AKAP9: variants seen among roughly 807,000 people sequenced by gnomAD.
AKAP9 encodes A-kinase anchor protein 9.
In AKAP9, 311 loss-of-function variants were observed where a neutral mutation model predicts 488.5. The ratio of observed to expected loss-of-function variants is 0.64; its 90% CI spans 0.58 to 0.70. The LOEUF (loss-of-function observed/expected upper bound fraction) is 0.70. Ranked by LOEUF, AKAP9 falls within the 30% of genes least tolerant of loss-of-function variation. The pLI is 0.00. For missense variants in AKAP9, 4,215 were observed against 4,374.5 expected (o/e 0.96, Z 1.03); for synonymous variants, 1,462 against 1,483.5 (o/e 0.99, Z 0.33).
chr7:92,050,087 C>T (rs1207493777), intron 21 of AKAP9, among the ~76,000 whole-genome samples: 5 of 136,218 alleles, frequency 3.7e-5, no homozygotes, highest in Non-Finnish European at 6.2e-5. Flanking sequence ...TTTTTTGAGA[C>T]GGAGTTTTGC....
At chr7:92,084,308 G>A (rs1468785894) in intron 33 of AKAP9, among the ~76,000 whole-genome samples, 2 of 152,012 alleles carry the variant, frequency 1.3e-5, no homozygotes, top group East Asian at 3.9e-4. Flanking sequence ...CCTTATGATC[G>A]CAATTTTAAT....
chr7:91,992,975 G>A lies in AKAP9; in HGVS notation c.496G>A (p.Gly166Arg). 11 of 1,614,086 alleles carry A rather than the reference G, an allele frequency of 6.8e-6. No individual in the cohort carries two copies. Among genetic ancestry groups the A allele is most frequent in the Non-Finnish European group, 9.3e-6 (11 of 1,179,986 alleles). ...HLEMMESELA[G>R]KQHEIEELNR... ...AGAGATGATGGAAAGTGAGTTGGCT[G>A]GGAAGCAGCATGAGATTGAAGAGCT... is the stretch of plus-strand genomic sequence containing the variant. The change falls in exon 5 of 50, where the codon GGG becomes AGG. Residue 166 changes from glycine (G) to arginine (R), a missense_variant. Physicochemically the swap from Gly to Arg is moderately radical, Grantham distance 125 (BLOSUM62 -2). Transcript: ENST00000356239.
At chr7:92,091,357 G>T (rs1179533194) in intron 38 of AKAP9, among the ~76,000 whole-genome samples, 1 of 152,114 alleles carries the variant, frequency 6.6e-6, no homozygotes, top group Non-Finnish European at 1.5e-5. Context: ...GGAGGCCGAG[G>T]TGGGAGGATC....
intron 45 of AKAP9, among the ~76,000 whole-genome samples, chr7:92,101,506 G>C (rs1448421062): frequency 6.6e-6 from 1 of 151,946 alleles, no homozygotes; most frequent in African/African-American, 2.4e-5. Flanking sequence ...TCTTTGTCAT[G>C]AATGCAGGTC....
intron 16 of AKAP9, among the ~76,000 whole-genome samples, chr7:92,032,037 C>G (rs1434231890): frequency 6.6e-6 from 1 of 152,164 alleles, no homozygotes; most frequent in Admixed American, 6.5e-5. Context: ...TAGCTCCTGG[C>G]TAAGTGAAGG....
intron 13 of AKAP9, among the ~76,000 whole-genome samples, 172 bp from the exon 14 acceptor site, chr7:92,022,642 A>G (rs768721352): frequency 5.9e-5 from 9 of 152,204 alleles, no homozygotes; most frequent in Non-Finnish European, 1.3e-4. Context: ...GAATTGTACT[A>G]TTTATGTTTT....
At chr7:91,991,821 C>G (rs1403988778) in intron 3 of AKAP9, among the ~76,000 whole-genome samples, 1 of 152,048 alleles carries the variant, frequency 6.6e-6, no homozygotes, top group East Asian at 1.9e-4. Flanking sequence ...ATTATTTGAA[C>G]CATTTTAAGG....
chr7:91,952,325 A>G (rs1192472841), intron 1 of AKAP9, among the ~76,000 whole-genome samples: 1 of 152,242 alleles, frequency 6.6e-6, no homozygotes, highest in African/African-American at 2.4e-5. Flanking sequence ...CACTTTGCTA[A>G]GATGATAGGA....
intron 8 of AKAP9, among the ~76,000 whole-genome samples, chr7:92,005,946 G>A (rs982532881): frequency 2.0e-5 from 3 of 152,206 alleles, no homozygotes; most frequent in African/African-American, 7.2e-5. Context: ...TGGGATTACA[G>A]GCGTGAGCCA....
At position 91,940,978 on chromosome 7, in the gene AKAP9, C is replaced by T. The variant is rs1790671360; in HGVS notation, c.-122C>T. ...GCTTCCACTTCGGGCGGGGGAGCGC[C>T]GGACCGAATCGGCTCTCTAGGCCGT... On this transcript the variant is annotated 5_prime_UTR_variant, in exon 1 of 50. Transcript: ENST00000356239. 2.8e-6 allele frequency: 3 copies of T among 1,053,678 alleles called. No individual in the cohort carries two copies. The highest frequency in any genetic ancestry group is 4.5e-6 in the Non-Finnish European group (3 of 673,346). 65.3% of individuals were successfully genotyped at this position (1,053,678 alleles called of 1,614,324 possible).
chr7:91,943,750 AGT>A (rs1179715208), intron 1 of AKAP9, among the ~76,000 whole-genome samples: 3 of 152,348 alleles, frequency 2.0e-5, no homozygotes, highest in African/African-American at 7.2e-5. Context: ...GTCATTAATA[AGT>A]GTTACTTTCC....
intron 36 of AKAP9, 65 bp from the exon 37 acceptor site, chr7:92,086,163 A>G: frequency 3.1e-6 from 4 of 1,303,264 alleles, no homozygotes; most frequent in Non-Finnish European, 4.4e-6. Flanking sequence ...GTAGATTAAT[A>G]TTTTTAGAAT....
rs1584633028 is a variant in AKAP9, at chr7:91,970,377, T to C, written c.49-3334T>C. 6 of 418,082 alleles carry C rather than the reference T, an allele frequency of 1.4e-5. 1 individual carries two copies. In the Admixed American group the frequency reaches 1.6e-4, roughly 11 times the overall value. 25.9% of individuals were successfully genotyped at this position (418,082 alleles called of 1,614,324 possible). On this transcript the variant is annotated intron_variant, in intron 1 of 49. Transcript: ENST00000356239. ...GGGCGCTACACCACAATTACAGTAT[T>C]AGAGTATTGTGGGTTTGTCCACGTA... is the stretch of plus-strand genomic sequence containing the variant.
intron 22 of AKAP9, among the ~76,000 whole-genome samples, chr7:92,054,529 T>C (rs1050420537): frequency 1.3e-5 from 2 of 152,012 alleles, no homozygotes; most frequent in African/African-American, 4.8e-5. Flanking sequence ...TAAAGTTTAC[T>C]TGGGAGTTGA....
In AKAP9 at chr7:92,042,689, G is replaced by A. The variant is rs776780461; in HGVS notation, c.5080G>A (p.Glu1694Lys). The A allele has an allele frequency of 2.2e-5, 36 of 1,610,826 alleles. No homozygotes were observed. Among genetic ancestry groups the A allele is most frequent in the Non-Finnish European group, 3.1e-5 (36 of 1,177,950 alleles). The stretch of plus-strand genomic sequence containing the variant: ...ACAGAATGGAAATGAAAACCAAGGA[G>A]AAGTTGAAGAACAAACATTTAAAGA... Reference protein sequence around the residue: ...QTQNGNENQGEVEEQTFKEKE... With the variant: ...QTQNGNENQGKVEEQTFKEKE... The change falls in exon 20 of 50, where the codon GAA becomes AAA. Residue 1694 changes from glutamate (E) to lysine (K), a missense_variant. Physicochemically the swap from Glu to Lys is moderately conservative, Grantham distance 56. Transcript: ENST00000356239.
rs535180419 is a variant in AKAP9, at chr7:92,083,083, T to C, written c.8161-87T>C. ...GGAAAATGAACGTATAATCATGAAT[T>C]ACATTCCTCCCACACCCTTTAAATT... is the stretch of plus-strand genomic sequence containing the variant. On this transcript the variant is annotated intron_variant, in intron 32 of 49. Coordinates refer to ENST00000356239, the MANE Select transcript of AKAP9 (RefSeq NM_005751.5). 3 of 1,477,176 alleles carry C rather than the reference T, an allele frequency of 2.0e-6. No homozygotes were observed. In the East Asian group the frequency reaches 6.8e-5, roughly 34 times the overall value. The allele number at this position is 1,477,176 out of a possible 1,614,324, so 91.5% of individuals were successfully genotyped here. A position where few individuals can be genotyped will look rare whatever the true frequency, so the allele number is the denominator to read the frequency against.
At chr7:91,996,740 A>G (rs73403760) in intron 7 of AKAP9, among the ~76,000 whole-genome samples, 5,248 of 152,290 alleles carry the variant, frequency 0.034, 266 homozygotes, top group African/African-American at 0.11. Context: ...TGTACATGCA[A>G]TATAATACTT....
chr7:91,947,591 T>A (rs1791626522), intron 1 of AKAP9, among the ~76,000 whole-genome samples: 1 of 152,252 alleles, frequency 6.6e-6, no homozygotes, highest in East Asian at 1.9e-4. Flanking sequence ...CCGTCCACCT[T>A]GGCCTCCCAA....
chr7:92,017,644 G>A (rs1392604148), intron 12 of AKAP9, among the ~76,000 whole-genome samples: 1 of 152,172 alleles, frequency 6.6e-6, no homozygotes, highest in African/African-American at 2.4e-5. Context: ...AATCCAGAAA[G>A]ATGTCTGTGT....
Sources: allele counts gnomAD v4.1 joint callset (sites outside exome capture counted in the v4.1 genomes callset), GRCh38; gene constraint gnomAD v4.1.1; transcripts MANE v1.5; gene names NCBI Gene and HGNC (gene_info 2026-07-23, HGNC 2026-07-21).